TTC28: variants seen among roughly 807,000 people sequenced by gnomAD.
The protein encoded by TTC28 is tetratricopeptide repeat domain 28, also known as tetratricopeptide repeat protein 28.
A neutral mutation model predicts 198.0 loss-of-function variants in TTC28; 61 were observed. That is an observed-to-expected ratio of 0.31 (90% CI 0.25 to 0.38). TTC28 has a LOEUF of 0.38. TTC28 is among the 10% of genes least tolerant of loss of function. The pLI is 1.00. For missense variants in TTC28, 2,678 were observed against 3,164.0 expected (o/e 0.85, Z 3.69); for synonymous variants, 1,171 against 1,297.8 (o/e 0.90, Z 2.10).
At chr22:27,990,855 G>T (rs750595829) in intron 19 of TTC28, 43 bp from the exon 20 acceptor site, 2 of 1,536,378 alleles carry the variant, frequency 1.3e-6, no homozygotes, top group Non-Finnish European at 1.8e-6. Flanking sequence ...AAGAGAGAAA[G>T]AAGAGAGTTT....
intron 5 of TTC28, among the ~76,000 whole-genome samples, chr22:28,289,614 C>T (rs1194936470): frequency 6.6e-6 from 1 of 152,176 alleles, no homozygotes; most frequent in Admixed American, 6.5e-5. Context: ...AGGAGGACTG[C>T]CTGAGGCCAG....
chr22:28,679,730 G>C lies in TTC28; in HGVS notation c.-7C>G. 8.1e-7 allele frequency: 1 copy of C among 1,229,432 alleles called. No individual in the cohort carries two copies. The highest frequency in any genetic ancestry group is 3.2e-4 in the Middle Eastern group (1 of 3,130). 76.2% of individuals were successfully genotyped at this position (1,229,432 alleles called of 1,614,324 possible). A position where few individuals can be genotyped will look rare whatever the true frequency, so the allele number is the denominator to read the frequency against. On this transcript the variant is annotated 5_prime_UTR_variant, in exon 1 of 23. Coordinates refer to ENST00000397906, the MANE Select transcript of TTC28 (RefSeq NM_001145418.2). The stretch of plus-strand genomic sequence containing the variant: ...GCGGCGGCGACTGCTCCATCCCCAC[G>C]GGGCCCGGGCCGCGTCCGCCTCGAG...
chr22:28,595,963 G>A (rs1044897201), intron 2 of TTC28, among the ~76,000 whole-genome samples: 4 of 152,096 alleles, frequency 2.6e-5, no homozygotes, highest in African/African-American at 9.7e-5. Flanking sequence ...TCTACACACA[G>A]GGGATATGGT....
rs150531150 is a variant in TTC28, at chr22:28,476,644, G to A, written c.381+152908C>T. Among the ~76,000 whole-genome samples the A allele has an allele frequency of 3.3e-5, 5 of 152,276 alleles. No individual in the cohort carries two copies. The East Asian group carries it at 9.6e-4, about 29-fold the overall frequency. On this transcript the variant is annotated intron_variant, in intron 2 of 22. Coordinates refer to ENST00000397906, the MANE Select transcript of TTC28 (RefSeq NM_001145418.2). ...TCTATAAATCTACTAGGTGGATATAGTATCTCACTATGGTCTTAATTTGCA... is the reference window on the plus strand; with the variant it reads ...TCTATAAATCTACTAGGTGGATATAATATCTCACTATGGTCTTAATTTGCA...
At chr22:28,254,714 A>C (rs1267103799) in intron 5 of TTC28, among the ~76,000 whole-genome samples, 1 of 152,210 alleles carries the variant, frequency 6.6e-6, no homozygotes, top group Non-Finnish European at 1.5e-5. Context: ...AGAAACAAAG[A>C]GGGAACTCAA....
Position 27,980,220 on chromosome 22 carries a change from C to G in TTC28, c.*2001G>C, listed in dbSNP as rs1410156156. On this transcript the variant is annotated 3_prime_UTR_variant, in exon 23 of 23. Transcript: ENST00000397906. ...AGGTTTACTTTTCATTGTTAAGAAC[C>G]TGATTTTGCTATCTAATGCACAGTG... is the stretch of plus-strand genomic sequence containing the variant. The G allele has an allele frequency of 6.6e-6, 1 of 152,214 alleles. No homozygotes were observed. The highest frequency in any genetic ancestry group is 6.5e-5 in the Admixed American group (1 of 15,284). The allele number at this position is 152,214 out of a possible 1,614,324, so 9.4% of individuals were successfully genotyped here. A position where few individuals can be genotyped will look rare whatever the true frequency, so the allele number is the denominator to read the frequency against.
intron 2 of TTC28, among the ~76,000 whole-genome samples, chr22:28,336,612 T>A (rs1465674132): frequency 6.6e-6 from 1 of 152,210 alleles, no homozygotes; most frequent in Non-Finnish European, 1.5e-5. Flanking sequence ...CTAGATTTTC[T>A]AGTTTATTTG....
intron 2 of TTC28, among the ~76,000 whole-genome samples, chr22:28,555,670 C>T (rs1432570262): frequency 1.3e-5 from 2 of 151,996 alleles, no homozygotes; most frequent in African/African-American, 2.4e-5. Flanking sequence ...AAGAATGATA[C>T]ATTGGACTTT....
chr22:28,035,623 C>T (rs941943566), intron 12 of TTC28, among the ~76,000 whole-genome samples: 1 of 152,180 alleles, frequency 6.6e-6, no homozygotes, highest in African/African-American at 2.4e-5. Context: ...TCTGCCAATA[C>T]CTGAAAAGGC....
At chr22:28,650,705 C>G (rs1048436683) in intron 1 of TTC28, among the ~76,000 whole-genome samples, 2 of 152,146 alleles carry the variant, frequency 1.3e-5, no homozygotes, top group African/African-American at 4.8e-5. Flanking sequence ...ACTATACAAG[C>G]ATAGGATTCT....
At chr22:28,551,228 T>C (rs1488963935) in intron 2 of TTC28, among the ~76,000 whole-genome samples, 2 of 151,902 alleles carry the variant, frequency 1.3e-5, no homozygotes, top group South Asian at 2.1e-4. Context: ...AAGATTGAAA[T>C]GGTAATTTTA....
intron 2 of TTC28, among the ~76,000 whole-genome samples, chr22:28,389,901 C>G (rs1334464596): frequency 1.3e-5 from 2 of 151,788 alleles, no homozygotes; most frequent in African/African-American, 2.4e-5. Context: ...AATGTGTTTG[C>G]TCTTGCTTCT....
At chr22:28,368,880 A>T (rs2046287105) in intron 2 of TTC28, among the ~76,000 whole-genome samples, 1 of 152,150 alleles carries the variant, frequency 6.6e-6, no homozygotes, top group Non-Finnish European at 1.5e-5. Flanking sequence ...CACTGATGAA[A>T]GAAACTGAAG....
At chr22:28,553,214 C>G (rs1247202857) in intron 2 of TTC28, among the ~76,000 whole-genome samples, 1 of 152,008 alleles carries the variant, frequency 6.6e-6, no homozygotes, top group African/African-American at 2.4e-5. Context: ...GCCACCCCGT[C>G]TGGGAAGTGA....
At chr22:28,328,582 C>T (rs915709909) in intron 2 of TTC28, among the ~76,000 whole-genome samples, 1 of 151,470 alleles carries the variant, frequency 6.6e-6, no homozygotes, top group Non-Finnish European at 1.5e-5. Context: ...GGTGAAACCA[C>T]GTCTCTACTA....
chr22:28,223,659 T>C (rs1286667365), intron 5 of TTC28, among the ~76,000 whole-genome samples: 2 of 152,226 alleles, frequency 1.3e-5, no homozygotes, highest in Non-Finnish European at 2.9e-5. Flanking sequence ...AGGTATTTTA[T>C]AGAAAACAAG....
At chr22:28,208,237 A>T (rs905169029) in intron 5 of TTC28, among the ~76,000 whole-genome samples, 5 of 152,194 alleles carry the variant, frequency 3.3e-5, no homozygotes, top group Admixed American at 2.0e-4. Flanking sequence ...AAGGCAAAGT[A>T]ATTTAGTATT....
At chr22:28,322,826 T>G (rs2145852170) in intron 2 of TTC28, among the ~76,000 whole-genome samples, 1 of 152,360 alleles carries the variant, frequency 6.6e-6, no homozygotes, top group South Asian at 2.1e-4. Context: ...TCCATAGGGC[T>G]GTTTCCTTCT....
chr22:28,125,297 TC>T (rs1569152152), intron 6 of TTC28, among the ~76,000 whole-genome samples: 1 of 152,220 alleles, frequency 6.6e-6, no homozygotes, highest in Non-Finnish European at 1.5e-5. Context: ...GAAAAATACC[TC>T]GATTTATTAA....
Sources: gnomAD v4.1 joint callset for allele counts (sites outside exome capture counted in the v4.1 genomes callset) on GRCh38, gnomAD v4.1.1 for gene constraint, MANE v1.5 for transcripts, NCBI Gene and HGNC (gene_info 2026-07-23, HGNC 2026-07-21) for gene names.